SNX32: variants seen among roughly 807,000 people sequenced by gnomAD.
SNX32 encodes sorting nexin-32.
SNX32 carries 58 observed loss-of-function variants against 57.0 expected under a neutral mutation model. That is an observed-to-expected ratio of 1.02 (90% CI 0.82 to 1.27). The LOEUF is 1.27. SNX32 is among the 50% of genes most tolerant of loss of function. The pLI, the probability that SNX32 is intolerant of heterozygous loss-of-function variation, is 0.00. For synonymous variants in SNX32, 262 were observed against 220.4 expected (o/e 1.19, Z -1.67); for missense variants, 589 against 541.2 (o/e 1.09, Z -0.88).
intron 4 of SNX32, 50 bp downstream of exon 4, chr11:65,850,321 C>T (rs1448815208): frequency 6.2e-7 from 1 of 1,613,830 alleles, no homozygotes; most frequent in Non-Finnish European, 8.5e-7. Flanking sequence ...GATGTCTTCC[C>T]CAGCTATCTC....
chr11:65,834,129 C>T (rs1231934136), intron 1 of SNX32, 28 bp downstream of exon 1: 2 of 1,549,744 alleles, frequency 1.3e-6, no homozygotes, highest in Admixed American at 2.0e-5. Flanking sequence ...ACCCCCACCC[C>T]AGCCTCCCCT....
chr11:65,849,698 C>G (rs750757977), intron 2 of SNX32, 116 bp downstream of exon 2: 2 of 984,666 alleles, frequency 2.0e-6, no homozygotes, highest in Non-Finnish European at 3.1e-6. Context: ...CCACCTGGCA[C>G]TTGCCCTCAG....
intron 1 of SNX32, among the ~76,000 whole-genome samples, chr11:65,844,486 C>A (rs544550794): frequency 1.3e-5 from 2 of 151,564 alleles, no homozygotes; most frequent in Admixed American, 6.6e-5. Flanking sequence ...AAATGACTAA[C>A]GACTCTGTGG....
At chr11:65,841,306 G>C (rs1304885047) in intron 1 of SNX32, among the ~76,000 whole-genome samples, 1 of 150,696 alleles carries the variant, frequency 6.6e-6, no homozygotes, top group Non-Finnish European at 1.5e-5. Context: ...GTGTGATCAT[G>C]GCTCACAGCA....
chr11:65,850,678 G>GT, intron 5 of SNX32, 73 bp from the exon 6 acceptor site: 1 of 1,582,296 alleles, frequency 6.3e-7, no homozygotes, highest in South Asian at 1.1e-5. Context: ...TCACAGCTCC[G>GT]TGAGTGGCTT....
In SNX32 at chr11:65,852,932, G is replaced by T; in HGVS notation, c.1132G>T (p.Ala378Ser). ...TTTTCGAAAGAATCTCATTGAGCTG[G>T]CAGAGCTGGAGCTCAAACACGCCAA... The part of the protein sequence containing the change: ...SSFRKNLIEL[A>S]ELELKHAKAS... Residue 378 changes from alanine to serine, a missense_variant, in exon 12 of 13, where the codon GCA (alanine) becomes TCA (serine). By Grantham distance (99) the Ala-to-Ser change is moderately conservative (BLOSUM62 1). Transcript: ENST00000308342. The T allele has an allele frequency of 6.2e-7, 1 of 1,614,116 alleles. No homozygotes were observed. The highest frequency in any genetic ancestry group is 1.1e-5 in the South Asian group (1 of 91,084).
At chr11:65,841,321 C>T (rs1858835349) in intron 1 of SNX32, among the ~76,000 whole-genome samples, 1 of 150,926 alleles carries the variant, frequency 6.6e-6, no homozygotes, top group Admixed American at 6.6e-5. Flanking sequence ...ACAGCAGCCT[C>T]GACCTTCTGG....
chr11:65,837,286 GA>G (rs1178634279), intron 1 of SNX32, among the ~76,000 whole-genome samples: 1 of 151,066 alleles, frequency 6.6e-6, no homozygotes, highest in East Asian at 1.9e-4. Context: ...TTGTATTTTG[GA>G]AAAAAAACAA....
Position 65,850,551 on chromosome 11 carries a change from G to C in SNX32, c.495G>C (p.Gln165His). 1 of 1,606,608 alleles carries C rather than the reference G, an allele frequency of 6.2e-7. No individual in the cohort carries two copies. The highest frequency in any genetic ancestry group is 8.5e-7 in the Non-Finnish European group (1 of 1,176,426). The part of the protein sequence containing the change: ...HNFFVFLEYG[Q>H]DLSVRGKNRK... ...TCTTTGTGTTTTTGGAATATGGACAGGATGTGAGCTGGGCCGAATCCCTGG... is the reference window on the plus strand; with the variant it reads ...TCTTTGTGTTTTTGGAATATGGACACGATGTGAGCTGGGCCGAATCCCTGG... Residue 165 changes from glutamine to histidine, a missense_variant, in exon 5 of 13, where the codon CAG (glutamine) becomes CAC (histidine). Gln to His is a conservative substitution (Grantham distance 24). Transcript: ENST00000308342.
chr11:65,852,869 C>A lies in SNX32; in HGVS notation c.1073-4C>A. 1.9e-6 allele frequency: 3 copies of A among 1,614,168 alleles called. No individual in the cohort carries two copies. Among genetic ancestry groups the A allele is most frequent in the Non-Finnish European group, 2.5e-6 (3 of 1,179,982 alleles). ...ATCCCCATGCCTCTTCCCCTCCTCT[C>A]CAGAGCTCATGGACTTCAAGTCCCG... On this transcript the variant is annotated splice_region_variant and splice_polypyrimidine_tract_variant and intron_variant, in intron 11 of 12. Transcript: ENST00000308342.
chr11:65,848,878 C>A (rs1052138590), intron 1 of SNX32, among the ~76,000 whole-genome samples: 6 of 152,104 alleles, frequency 3.9e-5, no homozygotes, highest in Non-Finnish European at 7.4e-5. Flanking sequence ...CACGGTGGCT[C>A]ATGCCTGTAA....
Position 65,851,289 on chromosome 11 carries a change from G to A in SNX32, c.710-39G>A, listed in dbSNP as rs1268072632. 4.3e-6 allele frequency: 7 copies of A among 1,611,756 alleles called. No individual in the cohort carries two copies. In the Admixed American group the frequency reaches 5.0e-5, roughly 12 times the overall value. On this transcript the variant is annotated intron_variant, in intron 7 of 12. Transcript: ENST00000308342. Reference sequence around the variant, plus strand: ...GGCCACAAGCACCAAGGCTTGACATGCAGATGTAGGGGCTCTGATGGGGGC... The same window carrying A: ...GGCCACAAGCACCAAGGCTTGACATACAGATGTAGGGGCTCTGATGGGGGC...
At chr11:65,853,261 G>A (rs746711189) in intron 12 of SNX32, 21 bp from the exon 13 acceptor site, 6 of 1,613,894 alleles carry the variant, frequency 3.7e-6, no homozygotes, top group East Asian at 4.5e-5. Context: ...GGGACTTCAA[G>A]GACCTGTTTC....
chr11:65,839,486 C>T (rs1342472007), intron 1 of SNX32, among the ~76,000 whole-genome samples: 1 of 150,056 alleles, frequency 6.7e-6, no homozygotes, highest in African/African-American at 2.5e-5. Flanking sequence ...GCCTCGGCCT[C>T]CCAAAGTGCT....
At chr11:65,842,194 A>C (rs1379463468) in intron 1 of SNX32, among the ~76,000 whole-genome samples, 1 of 152,252 alleles carries the variant, frequency 6.6e-6, no homozygotes, top group Non-Finnish European at 1.5e-5. Flanking sequence ...AATGGAACAC[A>C]GTAGAGAGTC....
intron 1 of SNX32, among the ~76,000 whole-genome samples, chr11:65,847,124 C>CG (rs913446440): frequency 7.2e-5 from 11 of 151,772 alleles, no homozygotes; most frequent in African/African-American, 2.4e-4. Flanking sequence ...CCACCTCAGC[C>CG]CCCCCCAAGT....
chr11:65,851,834 A>G (rs1283046699), intron 9 of SNX32, among the ~76,000 whole-genome samples, 155 bp downstream of exon 9: 2 of 152,132 alleles, frequency 1.3e-5, no homozygotes, highest in Non-Finnish European at 2.9e-5. Flanking sequence ...GTTTAACAAA[A>G]GGTGGGGTGA....
chr11:65,850,164 T>C lies in SNX32; in HGVS notation c.267T>C (p.Pro89=), dbSNP rs751068327. The part of the protein sequence containing the change: ...EYAGLIIPPA[P]PRPDFEASRE... Reference sequence around the variant, plus strand: ...CCTTTGAGCAGATCCCCCCAGCCCCTCCGAGGCCAGACTTTGAGGCTTCGA... The same window carrying C: ...CCTTTGAGCAGATCCCCCCAGCCCCCCCGAGGCCAGACTTTGAGGCTTCGA... Residue 89 remains proline, a synonymous_variant, in exon 4 of 13, where the codon CCT becomes CCC. Transcript: ENST00000308342. 6.2e-7 allele frequency: 1 copy of C among 1,614,166 alleles called. No homozygotes were observed. The highest frequency in any genetic ancestry group is 1.1e-5 in the South Asian group (1 of 91,088).
Position 65,850,024 on chromosome 11 carries a change from C to T in SNX32, c.246C>T (p.Gly82=), listed in dbSNP as rs1591037072. ...ACGTGGAGAATGAGGAGTACGCCGG[C>T]CTCATCGTGAGGAGGGGCTGGGCAG... is the stretch of plus-strand genomic sequence containing the variant. ...DAYVENEEYA[G]LIIPPAPPRP... Residue 82 remains glycine (G), a synonymous_variant, in exon 3 of 13, where the codon GGC becomes GGT. Coordinates refer to ENST00000308342, the MANE Select transcript of SNX32 (RefSeq NM_152760.3). The T allele has an allele frequency of 6.2e-7, 1 of 1,614,026 alleles. No individual in the cohort carries two copies. The highest frequency in any genetic ancestry group is 1.7e-5 in the Admixed American group (1 of 60,006).
Sources: gnomAD v4.1 joint callset for allele counts (sites outside exome capture counted in the v4.1 genomes callset) on GRCh38, gnomAD v4.1.1 for gene constraint, MANE v1.5 for transcripts, NCBI Gene and HGNC (gene_info 2026-07-23, HGNC 2026-07-21) for gene names.